The following PTPRD variants were observed in gnomAD, a reference collection of about 807,000 sequenced individuals.
PTPRD encodes receptor-type tyrosine-protein phosphatase delta.
In PTPRD, 34 loss-of-function variants were observed where a neutral mutation model predicts 214.5. The ratio of observed to expected loss-of-function variants is 0.16; its 90% CI spans 0.12 to 0.21. PTPRD has a LOEUF of 0.21. PTPRD is among the 10% of genes least tolerant of loss of function. The pLI, the probability that PTPRD is intolerant of heterozygous loss-of-function variation, is 1.00. For missense variants in PTPRD, 2,545 were observed against 2,398.7 expected, an observed-to-expected ratio of 1.06 and a Z score of -1.27; for synonymous variants, 1,128 against 845.7, an observed-to-expected ratio of 1.33 and a Z score of -5.79.
At chr9:8,811,890 C>A (rs936459950) in intron 11 of PTPRD, among the ~76,000 whole-genome samples, 1 of 152,166 alleles carries the variant, frequency 6.6e-6, no homozygotes, top group African/African-American at 2.4e-5. Context: ...CATTTCCCAT[C>A]TGAAAGACAT....
chr9:10,365,221 C>T (rs572058279), intron 2 of PTPRD, among the ~76,000 whole-genome samples: 6 of 152,136 alleles, frequency 3.9e-5, no homozygotes, highest in Non-Finnish European at 8.8e-5. Context: ...AAACCACATA[C>T]AGTCTTTCCA....
intron 7 of PTPRD, among the ~76,000 whole-genome samples, chr9:9,578,668 A>T (rs2089819775): frequency 6.6e-6 from 1 of 152,132 alleles, no homozygotes; most frequent in Non-Finnish European, 1.5e-5. Flanking sequence ...GGATTTCTAC[A>T]TTGTATCTCA....
intron 10 of PTPRD, among the ~76,000 whole-genome samples, chr9:9,173,402 A>G (rs762357713): frequency 6.6e-6 from 1 of 152,122 alleles, no homozygotes; most frequent in Non-Finnish European, 1.5e-5. Flanking sequence ...TGGTTGGGTC[A>G]TGGGTCACTT....
At chr9:9,279,692 A>G (rs1946958819) in intron 9 of PTPRD, among the ~76,000 whole-genome samples, 2 of 150,838 alleles carry the variant, frequency 1.3e-5, no homozygotes, top group African/African-American at 2.4e-5. Flanking sequence ...AATATTTTAT[A>G]TAAAAATAAA....
chr9:9,432,623 C>G (rs920579246), intron 8 of PTPRD, among the ~76,000 whole-genome samples: 3 of 152,144 alleles, frequency 2.0e-5, no homozygotes, highest in Non-Finnish European at 4.4e-5. Flanking sequence ...AGTGCAGACC[C>G]ATGCCTCTGC....
At chr9:9,156,720 C>G (rs907125374) in intron 10 of PTPRD, among the ~76,000 whole-genome samples, 1 of 150,134 alleles carries the variant, frequency 6.7e-6, no homozygotes, top group African/African-American at 2.4e-5. Flanking sequence ...CAGACTCTTT[C>G]CATCTTAGGG....
rs1346052275 is a variant in PTPRD at position 8,811,084 on chromosome 9, T to C, written c.-103-77138A>G. 2.0e-5 allele frequency among the ~76,000 whole-genome samples: 3 copies of C among 152,186 alleles called. No homozygotes were observed. The East Asian group carries it at 5.8e-4, about 29-fold the overall frequency. ...TCACCACTGTGAGTGAAATCGAAGT[T>C]GACCAAGGGGATCTGACTTACGGCA... is the stretch of plus-strand genomic sequence containing the variant. On this transcript the variant is annotated intron_variant, in intron 11 of 45. Transcript: ENST00000381196.
chr9:10,453,881 T>C lies in PTPRD; in HGVS notation c.-599-112864A>G, dbSNP rs538455413. The stretch of plus-strand genomic sequence containing the variant: ...ATAACCCTTGTCTTCTTCTAGATAT[T>C]AGAAAAAAAGCTTTCAGCATTTCAC... On this transcript the variant is annotated intron_variant, in intron 2 of 45. Coordinates refer to ENST00000381196, the MANE Select transcript of PTPRD (RefSeq NM_002839.4). Among the ~76,000 whole-genome samples, 9 of 151,790 alleles carry C rather than the reference T, an allele frequency of 5.9e-5. No homozygotes were observed. The South Asian group carries it at 1.9e-3, about 31-fold the overall frequency.
chr9:9,967,936 T>C (rs916824287), intron 4 of PTPRD, among the ~76,000 whole-genome samples: 9 of 152,122 alleles, frequency 5.9e-5, no homozygotes, highest in Non-Finnish European at 1.2e-4. Flanking sequence ...ATAAACATAT[T>C]AAGAAAAATT....
chr9:10,486,487 T>C (rs566925879), intron 2 of PTPRD, among the ~76,000 whole-genome samples: 7 of 152,280 alleles, frequency 4.6e-5, no homozygotes, highest in African/African-American at 1.7e-4. Flanking sequence ...GATCAGATAG[T>C]TGTAGATGTG....
At chr9:9,196,789 A>G (rs959987940) in intron 9 of PTPRD, among the ~76,000 whole-genome samples, 6 of 152,072 alleles carry the variant, frequency 3.9e-5, no homozygotes, top group Admixed American at 6.6e-5. Flanking sequence ...GTCTCCCCCT[A>G]AAAAAGAGCA....
rs372239833 is a variant in PTPRD, at chr9:10,056,245, T to A, written c.-544-22455A>T. Among the ~76,000 whole-genome samples the A allele has an allele frequency of 5.5e-4, 83 of 150,860 alleles. No individual in the cohort carries two copies. In the South Asian group the frequency reaches 0.016, roughly 29 times the overall value. Reference sequence around the variant, plus strand: ...CTGAGGCAGGATAATTGCTTAAACCTGGGAGGCGGAGATTGCAGTGAGCTG... The same window carrying A: ...CTGAGGCAGGATAATTGCTTAAACCAGGGAGGCGGAGATTGCAGTGAGCTG... On this transcript the variant is annotated intron_variant, in intron 3 of 45. Coordinates refer to ENST00000381196, the MANE Select transcript of PTPRD (RefSeq NM_002839.4).
intron 12 of PTPRD, among the ~76,000 whole-genome samples, chr9:8,663,149 G>C (rs564609023): frequency 5.3e-5 from 8 of 151,528 alleles, no homozygotes; most frequent in Admixed American, 1.3e-4. Context: ...CTGGTCTTTT[G>C]ATTGAAAGCT....
intron 8 of PTPRD, among the ~76,000 whole-genome samples, chr9:9,431,819 TG>T (rs1406107330): frequency 1.2e-4 from 17 of 143,974 alleles, no homozygotes; most frequent in Non-Finnish European, 2.2e-4. Context: ...AACCATACAG[TG>T]CATGTTCTCT....
intron 3 of PTPRD, among the ~76,000 whole-genome samples, chr9:10,188,248 T>TA: frequency 6.6e-6 from 1 of 152,304 alleles, no homozygotes; most frequent in East Asian, 1.9e-4. Context: ...GATGACACTG[T>TA]AATTGATTAA....
chr9:8,776,911 T>TATTATATAATAC (rs1565976006), intron 11 of PTPRD, among the ~76,000 whole-genome samples: 2 of 21,544 alleles, frequency 9.3e-5, no homozygotes, highest in African/African-American at 5.1e-4. Context: ...ATATGTATAA[T>TATTATATAATAC]ATATGTATAA....
chr9:10,001,657 A>AT (rs1179058179), intron 4 of PTPRD, among the ~76,000 whole-genome samples: 2 of 152,136 alleles, frequency 1.3e-5, no homozygotes, highest in Admixed American at 6.5e-5. Flanking sequence ...TAACAAAATT[A>AT]TTTTTTAAAA....
Position 8,689,087 on chromosome 9 carries a change from T to C in PTPRD, c.64+44693A>G, listed in dbSNP as rs931975308. On this transcript the variant is annotated intron_variant, in intron 12 of 45. Transcript: ENST00000381196. ...TTTTAATTTCACTCCTCCTGAGAAA[T>C]GGAGATGTCTAAATCAGGCTGGGCA... Among the ~76,000 whole-genome samples the C allele has an allele frequency of 2.0e-5, 3 of 152,186 alleles. 1 individual carries two copies. The South Asian group carries it at 6.2e-4, about 32-fold the overall frequency.
intron 2 of PTPRD, among the ~76,000 whole-genome samples, chr9:10,351,559 C>T (rs549345829): frequency 5.3e-5 from 8 of 151,982 alleles, no homozygotes; most frequent in African/African-American, 1.7e-4. Context: ...ATAGCTGGAA[C>T]CCTTAGCTTT....
Sources: gnomAD v4.1 joint callset for allele counts (sites outside exome capture counted in the v4.1 genomes callset) on GRCh38, gnomAD v4.1.1 for gene constraint, MANE v1.5 for transcripts, NCBI Gene and HGNC (gene_info 2026-07-23, HGNC 2026-07-21) for gene names.